SH3RF1: variants seen among roughly 807,000 people sequenced by gnomAD.
SH3RF1 encodes SH3 domain containing ring finger 1.
SH3RF1 carries 32 observed loss-of-function variants against 74.0 expected under a neutral mutation model. The observed-to-expected ratio is 0.43, with a 90% CI of 0.33 to 0.58. The LOEUF (loss-of-function observed/expected upper bound fraction) is 0.58. Among genes scored for constraint, SH3RF1 ranks in the 20% least tolerant of loss-of-function variants. The pLI, the probability that SH3RF1 is intolerant of heterozygous loss-of-function variation, is 0.05. For synonymous variants in SH3RF1, 396 were observed against 439.6 expected, an observed-to-expected ratio of 0.90 and a Z score of 1.24; for missense variants, 954 against 1,130.9, an observed-to-expected ratio of 0.84 and a Z score of 2.24.
chr4:169,140,727 T>C (rs1479357405), intron 4 of SH3RF1, among the ~76,000 whole-genome samples: 1 of 152,140 alleles, frequency 6.6e-6, no homozygotes, highest in African/African-American at 2.4e-5. Context: ...GGACTTACAA[T>C]ATTTTAAAGA....
In SH3RF1 at chr4:169,187,232, C is replaced by T. The variant is rs186778646; in HGVS notation, c.394-30553G>A. ...CTGACTGATTGAAACAGGGTCTCAC[C>T]GTGTCACCCAGGCTAGAGCGCAGTG... is the stretch of plus-strand genomic sequence containing the variant. On this transcript the variant is annotated intron_variant, in intron 2 of 11. Coordinates refer to ENST00000284637, the MANE Select transcript of SH3RF1 (RefSeq NM_020870.4). Among the ~76,000 whole-genome samples, 59 of 152,114 alleles carry T rather than the reference C, an allele frequency of 3.9e-4. 1 individual carries two copies. The East Asian group carries it at 4.1e-3, about 10-fold the overall frequency.
chr4:169,160,377 T>C (rs1561040358), intron 2 of SH3RF1, among the ~76,000 whole-genome samples: 1 of 152,222 alleles, frequency 6.6e-6, no homozygotes, highest in Non-Finnish European at 1.5e-5. Context: ...ATCTATTACA[T>C]GTTCCTAAAA....
intron 2 of SH3RF1, among the ~76,000 whole-genome samples, chr4:169,260,588 G>T (rs1300695341): frequency 6.6e-6 from 1 of 152,196 alleles, no homozygotes; most frequent in East Asian, 1.9e-4. Flanking sequence ...TCCAGCTAAA[G>T]CAAAACTAGA....
intron 2 of SH3RF1, among the ~76,000 whole-genome samples, chr4:169,167,722 T>C (rs1205460691): frequency 1.3e-5 from 2 of 151,718 alleles, no homozygotes; most frequent in East Asian, 3.9e-4. Flanking sequence ...GGCAAATGAG[T>C]GAAAGAGGGT....
At chr4:169,152,670 G>A (rs530990602) in intron 4 of SH3RF1, among the ~76,000 whole-genome samples, 1 of 152,336 alleles carries the variant, frequency 6.6e-6, no homozygotes, top group Admixed American at 6.5e-5. Context: ...CCGGAAGGCA[G>A]AGGTTGTAGT....
chr4:169,146,655 G>A (rs1432217708), intron 4 of SH3RF1, among the ~76,000 whole-genome samples: 1 of 152,190 alleles, frequency 6.6e-6, no homozygotes, highest in Non-Finnish European at 1.5e-5. Flanking sequence ...GTGACCAGAG[G>A]CTAACACTAA....
chr4:169,218,778 T>C (rs895369557), intron 2 of SH3RF1, among the ~76,000 whole-genome samples: 4 of 152,112 alleles, frequency 2.6e-5, no homozygotes, highest in Admixed American at 6.6e-5. Context: ...GGTAGCATCA[T>C]ACTCAATAAA....
chr4:169,105,161 A>G (rs905413716), intron 11 of SH3RF1, among the ~76,000 whole-genome samples: 1 of 152,186 alleles, frequency 6.6e-6, no homozygotes, highest in African/African-American at 2.4e-5. Context: ...AATGCTACCA[A>G]AAAAGCAATA....
Position 169,215,868 on chromosome 4 carries a change from A to G in SH3RF1, c.393+52952T>C, listed in dbSNP as rs571288552. 7.1e-4 allele frequency among the ~76,000 whole-genome samples: 108 copies of G among 152,162 alleles called. 1 individual carries two copies. The South Asian group carries it at 0.016, about 23-fold the overall frequency. ...GCACAGGCTGGGGTGCAGTGGTGCA[A>G]TCATGGCTCACTGCAGCCTCAACCT... On this transcript the variant is annotated intron_variant, in intron 2 of 11. Transcript: ENST00000284637.
intron 4 of SH3RF1, among the ~76,000 whole-genome samples, chr4:169,149,124 C>T (rs1008967365): frequency 1.3e-5 from 2 of 152,162 alleles, no homozygotes; most frequent in Non-Finnish European, 2.9e-5. Context: ...AAACATTAAC[C>T]GATCTTTACA....
At chr4:169,216,934 T>G (rs1209014573) in intron 2 of SH3RF1, among the ~76,000 whole-genome samples, 1 of 150,756 alleles carries the variant, frequency 6.6e-6, no homozygotes, top group Non-Finnish European at 1.5e-5. Flanking sequence ...GCGGATCACT[T>G]GAGCTCAGGA....
chr4:169,249,690 A>T (rs1731065795), intron 2 of SH3RF1, among the ~76,000 whole-genome samples: 3 of 152,236 alleles, frequency 2.0e-5, no homozygotes, highest in Admixed American at 2.0e-4. Flanking sequence ...ACAGAGCAAC[A>T]GTAGGAAGGA....
At chr4:169,234,652 G>C (rs1487357164) in intron 2 of SH3RF1, among the ~76,000 whole-genome samples, 1 of 152,102 alleles carries the variant, frequency 6.6e-6, no homozygotes, top group African/African-American at 2.4e-5. Flanking sequence ...GCCTGGCATT[G>C]TTTGGAAACA....
Position 169,156,557 on chromosome 4 carries a change from G to T in SH3RF1, c.516C>A (p.Tyr172Ter), listed in dbSNP as rs781634341. 1 of 1,614,028 alleles carries T rather than the reference G, an allele frequency of 6.2e-7. No individual in the cohort carries two copies. The highest frequency in any genetic ancestry group is 1.1e-5 in the South Asian group (1 of 91,078). ...CATGGATTCCATTGACTTCCCCATG[G>T]TACCAATTTTCATCCACTTGTCTTC... ...ILRRQVDENW[Y>*]HGEVNGIHGF... is the part of the protein sequence containing the mutation. The change falls in exon 3 of 12, where the codon TAC (tyrosine) becomes TAA (stop). Residue 172 changes from tyrosine (Y) to a stop codon, truncating the protein, a stop_gained. Transcript: ENST00000284637. LOFTEE classifies it high-confidence loss of function.
In SH3RF1 at chr4:169,119,839, T is replaced by A. The variant is rs191502180; in HGVS notation, c.1517+980A>T. Among the ~76,000 whole-genome samples the A allele has an allele frequency of 1.3e-3, 197 of 152,332 alleles. 2 individuals are homozygous for A. The South Asian group carries it at 0.025, about 19-fold the overall frequency. On this transcript the variant is annotated intron_variant, in intron 8 of 11. Coordinates refer to ENST00000284637, the MANE Select transcript of SH3RF1 (RefSeq NM_020870.4). ...AGGAAAGATTTAATGCAGTTAGACC[T>A]GGACTGTATATTAAACGGCCGGTGG...
chr4:169,099,376 G>A (rs184215271), intron 11 of SH3RF1, among the ~76,000 whole-genome samples: 134 of 152,312 alleles, frequency 8.8e-4, no homozygotes, highest in African/African-American at 3.0e-3. Flanking sequence ...GACATAAGCC[G>A]CTATGCCCAG....
intron 2 of SH3RF1, among the ~76,000 whole-genome samples, chr4:169,161,643 A>C (rs13126548): frequency 0.21 from 32,664 of 152,210 alleles, 3,926 homozygotes; most frequent in Non-Finnish European, 0.29. Context: ...TGCTCCATAA[A>C]GTAAAAAAGA....
chr4:169,122,308 C>T, intron 6 of SH3RF1, 42 bp from the exon 7 acceptor site: 2 of 1,533,392 alleles, frequency 1.3e-6, no homozygotes, highest in South Asian at 2.4e-5. Flanking sequence ...AAAAAGGGAA[C>T]AAAATACTGA....
intron 6 of SH3RF1, among the ~76,000 whole-genome samples, chr4:169,124,808 A>G (rs1486307109): frequency 1.3e-5 from 2 of 152,190 alleles, no homozygotes; most frequent in Non-Finnish European, 2.9e-5. Context: ...GTGATGTGGA[A>G]GTTCAAAAGG....
Sources: allele counts gnomAD v4.1 joint callset (sites outside exome capture counted in the v4.1 genomes callset), GRCh38; gene constraint gnomAD v4.1.1; transcripts MANE v1.5; gene names NCBI Gene and HGNC (gene_info 2026-07-23, HGNC 2026-07-21).